TASP1: variants seen among roughly 807,000 people sequenced by gnomAD.
The protein encoded by TASP1 is taspase 1, also known as threonine aspartase 1.
Under a neutral mutation model 56.6 loss-of-function variants are expected in TASP1, and 16 were observed. That is an observed-to-expected ratio of 0.28 (90% CI 0.19 to 0.43). The LOEUF is 0.43. Ranked by LOEUF, TASP1 falls within the 20% of genes least tolerant of loss-of-function variation. The probability of loss-of-function intolerance (pLI) is 1.00; values close to 1 mark genes in which losing one functional copy is unlikely to be tolerated. For missense variants in TASP1, 393 were observed against 511.6 expected, an observed-to-expected ratio of 0.77 and a Z score of 2.24; for synonymous variants, 179 against 184.2, an observed-to-expected ratio of 0.97 and a Z score of 0.23.
At chr20:13,586,506 G>C (rs2047311475) in intron 5 of TASP1, among the ~76,000 whole-genome samples, 1 of 152,132 alleles carries the variant, frequency 6.6e-6, no homozygotes, top group African/African-American at 2.4e-5. Context: ...TGAGGGAAGA[G>C]AGCACAAGAA....
At chr20:13,154,192 T>C in the TASP1 span, 2 of 1,603,020 alleles carry the variant, frequency 1.2e-6, no homozygotes, top group African/African-American at 2.7e-5. Context: ...TGACCTAAGA[T>C]GGCTTTTTGG....
chr20:13,337,640 T>C, the TASP1 span, among the ~76,000 whole-genome samples: 5 of 152,246 alleles, frequency 3.3e-5, no homozygotes, highest in Non-Finnish European at 7.3e-5. Context: ...AGACAGGTTC[T>C]ATTAACTTGG....
intron 4 of TASP1, among the ~76,000 whole-genome samples, chr20:13,620,179 A>G (rs995827631): frequency 6.6e-6 from 1 of 151,844 alleles, no homozygotes; most frequent in Non-Finnish European, 1.5e-5. Context: ...AAACCACACA[A>G]AATTATCAGT....
intron 10 of TASP1, among the ~76,000 whole-genome samples, chr20:13,486,256 T>C (rs1457356511): frequency 1.1e-4 from 16 of 152,196 alleles, no homozygotes; most frequent in Admixed American, 9.8e-4. Flanking sequence ...ACTTTCACTA[T>C]ACCCTCTTTT....
At chr20:13,190,875 A>G in the TASP1 span, among the ~76,000 whole-genome samples, 202 of 152,278 alleles carry the variant, frequency 1.3e-3, 1 homozygote, top group African/African-American at 4.7e-3. Flanking sequence ...AGGAACTCAA[A>G]TAACAGCTAA....
At chr20:13,313,698 T>C in the TASP1 span, among the ~76,000 whole-genome samples, 1 of 152,212 alleles carries the variant, frequency 6.6e-6, no homozygotes, top group African/African-American at 2.4e-5. Flanking sequence ...CAGCTCCTTT[T>C]ACCAATATAT....
the TASP1 span, among the ~76,000 whole-genome samples, chr20:13,123,723 G>A: frequency 1.3e-5 from 2 of 152,042 alleles, no homozygotes; most frequent in Admixed American, 1.3e-4. Context: ...TTTAGGACAG[G>A]CCCATGCCTT....
At chr20:13,367,261 T>G in the TASP1 span, among the ~76,000 whole-genome samples, 1 of 152,256 alleles carries the variant, frequency 6.6e-6, no homozygotes. Context: ...TGCTTTTAAC[T>G]GTCTTGGGCT....
chr20:13,144,070 G>T, the TASP1 span, among the ~76,000 whole-genome samples: 5 of 152,254 alleles, frequency 3.3e-5, no homozygotes, highest in South Asian at 1.0e-3. Context: ...GACTCTCAAG[G>T]TGGCATTTTT....
At chr20:13,494,204 C>T (rs1182457815) in intron 10 of TASP1, among the ~76,000 whole-genome samples, 1 of 152,176 alleles carries the variant, frequency 6.6e-6, no homozygotes, top group Non-Finnish European at 1.5e-5. Context: ...TGAGGAGAAC[C>T]AGCTCTGGCT....
At chr20:13,216,661 C>G in the TASP1 span, among the ~76,000 whole-genome samples, 1 of 152,150 alleles carries the variant, frequency 6.6e-6, no homozygotes, top group African/African-American at 2.4e-5. Context: ...GTTCCTGGAA[C>G]AAACCACAAA....
the TASP1 span, among the ~76,000 whole-genome samples, chr20:13,125,202 A>G: frequency 6.6e-6 from 1 of 152,174 alleles, no homozygotes; most frequent in East Asian, 1.9e-4. Flanking sequence ...GGAGCTTCTT[A>G]GGGCTTTCAG....
intron 13 of TASP1, among the ~76,000 whole-genome samples, chr20:13,403,882 G>A (rs575176692): frequency 3.3e-5 from 5 of 151,966 alleles, no homozygotes; most frequent in African/African-American, 9.7e-5. Context: ...AGCCTATCTC[G>A]TAAAAAACAA....
chr20:13,580,759 C>CA, intron 6 of TASP1, 138 bp downstream of exon 6: 2 of 775,206 alleles, frequency 2.6e-6, no homozygotes, highest in Non-Finnish European at 4.3e-6. Context: ...ATTAGCTGTA[C>CA]AAAATGTTCC....
intron 12 of TASP1, among the ~76,000 whole-genome samples, chr20:13,418,399 T>C (rs111823786): frequency 1.3e-5 from 2 of 152,282 alleles, no homozygotes; most frequent in African/African-American, 2.4e-5. Context: ...TGAAGGGCTC[T>C]TACTGGCAAA....
In TASP1 at chr20:13,520,568, G is replaced by A. The variant is rs141680344; in HGVS notation, c.874+7865C>T. 1.7e-3 allele frequency among the ~76,000 whole-genome samples: 255 copies of A among 152,176 alleles called. 4 individuals carry two copies. Among genetic ancestry groups the A allele is most frequent in the Admixed American group, 3.0e-3 (46 of 15,278 alleles). On this transcript the variant is annotated intron_variant, in intron 10 of 13. Transcript: ENST00000337743. Reference sequence around the variant, plus strand: ...ATGGTGCTGGGAAAACTGGCTAGCCGTATGTAGAAGGCTGAAACTGGATCC... The same window carrying A: ...ATGGTGCTGGGAAAACTGGCTAGCCATATGTAGAAGGCTGAAACTGGATCC...
chr20:13,155,948 G>A, the TASP1 span, among the ~76,000 whole-genome samples: 238 of 152,266 alleles, frequency 1.6e-3, 1 homozygote, highest in Middle Eastern at 6.8e-3. Context: ...ATGTGCTACA[G>A]ACATGTTATA....
the TASP1 span, among the ~76,000 whole-genome samples, chr20:13,341,862 G>GT: frequency 1.3e-5 from 2 of 152,226 alleles, no homozygotes; most frequent in Admixed American, 6.5e-5. Context: ...ACATCTGGTA[G>GT]TTGGATGGCT....
At chr20:13,367,078 TTA>T in the TASP1 span, among the ~76,000 whole-genome samples, 1 of 152,240 alleles carries the variant, frequency 6.6e-6, no homozygotes, top group African/African-American at 2.4e-5. Flanking sequence ...TGAACTCATT[TTA>T]TATAAATATT....
Sources: gnomAD v4.1 joint callset for allele counts (sites outside exome capture counted in the v4.1 genomes callset) on GRCh38, gnomAD v4.1.1 for gene constraint, MANE v1.5 for transcripts, NCBI Gene and HGNC (gene_info 2026-07-23, HGNC 2026-07-21) for gene names.